The following ITGBL1 variants were observed in gnomAD, a reference collection of about 807,000 sequenced individuals.
ITGBL1 encodes integrin beta-like protein 1.
Under a neutral mutation model 68.5 loss-of-function variants are expected in ITGBL1, and 51 were observed. The ratio of observed to expected loss-of-function variants is 0.74; its 90% CI spans 0.59 to 0.94. The LOEUF is 0.94. Among genes scored for constraint, ITGBL1 ranks in the 40% least tolerant of loss-of-function variants. The probability of loss-of-function intolerance (pLI) is 0.00; values close to 1 mark genes in which losing one functional copy is unlikely to be tolerated. For synonymous variants in ITGBL1, 209 were observed against 227.3 expected, an observed-to-expected ratio of 0.92 and a Z score of 0.72; for missense variants, 649 against 647.4, an observed-to-expected ratio of 1.00 and a Z score of -0.03.
At chr13:101,463,228 A>G (rs929375170) in intron 2 of ITGBL1, among the ~76,000 whole-genome samples, 1 of 152,106 alleles carries the variant, frequency 6.6e-6, no homozygotes, top group African/African-American at 2.4e-5. Flanking sequence ...TCCATGTTAT[A>G]TCTTCCTCCA....
At chr13:101,475,495 C>T (rs2048522360) in intron 2 of ITGBL1, among the ~76,000 whole-genome samples, 1 of 150,446 alleles carries the variant, frequency 6.6e-6, no homozygotes, top group African/African-American at 2.4e-5. Flanking sequence ...AGAGAGAGAT[C>T]AGCATAGAAA....
chr13:101,701,021 T>G (rs1175292101), intron 8 of ITGBL1, among the ~76,000 whole-genome samples: 1 of 152,236 alleles, frequency 6.6e-6, no homozygotes, highest in Non-Finnish European at 1.5e-5. Flanking sequence ...ACTGTTATAT[T>G]CTAAGCTGTT....
intron 4 of ITGBL1, 114 bp downstream of exon 4, chr13:101,575,660 C>A: frequency 2.0e-6 from 2 of 1,015,358 alleles, no homozygotes; most frequent in South Asian, 3.1e-5. Flanking sequence ...GTAGTTTAAA[C>A]CTATGTTTAT....
intron 7 of ITGBL1, among the ~76,000 whole-genome samples, chr13:101,623,931 A>C (rs1325056882): frequency 6.6e-6 from 1 of 152,188 alleles, no homozygotes; most frequent in East Asian, 1.9e-4. Flanking sequence ...ATTGCTTAAA[A>C]CAGCTAAAAG....
intron 2 of ITGBL1, among the ~76,000 whole-genome samples, chr13:101,526,152 CTTCTTTT>C (rs1464486115): frequency 1.6e-5 from 1 of 60,900 alleles, no homozygotes; most frequent in African/African-American, 6.2e-5. Context: ...TCTTCTTCTT[CTTCTTTT>C]TTTTTTTTTT....
chr13:101,653,757 C>T (rs1036885866), intron 7 of ITGBL1, among the ~76,000 whole-genome samples: 5 of 151,716 alleles, frequency 3.3e-5, no homozygotes, highest in Admixed American at 6.6e-5. Context: ...GGCACAATCT[C>T]GGCTCACTGC....
chr13:101,653,912 A>G (rs974405482), intron 7 of ITGBL1, among the ~76,000 whole-genome samples: 2 of 139,510 alleles, frequency 1.4e-5, no homozygotes, highest in Non-Finnish European at 3.0e-5. Flanking sequence ...GGGTTTCACC[A>G]TGTTGGCCAG....
intron 2 of ITGBL1, among the ~76,000 whole-genome samples, chr13:101,502,546 G>A (rs1246359332): frequency 6.6e-6 from 1 of 151,970 alleles, no homozygotes; most frequent in Non-Finnish European, 1.5e-5. Flanking sequence ...TTATTCTCCT[G>A]GCCTGCAAAT....
chr13:101,621,209 G>A (rs2031568564), intron 7 of ITGBL1, among the ~76,000 whole-genome samples: 1 of 152,100 alleles, frequency 6.6e-6, no homozygotes, highest in African/African-American at 2.4e-5. Flanking sequence ...AAATAGCTTT[G>A]TACAAGTGTA....
At chr13:101,506,469 C>A (rs765696422) in intron 2 of ITGBL1, among the ~76,000 whole-genome samples, 3 of 152,124 alleles carry the variant, frequency 2.0e-5, no homozygotes, top group Non-Finnish European at 2.9e-5. Flanking sequence ...AGACCACATG[C>A]AGCAAGGTAT....
chr13:101,641,787 C>A (rs930201313), intron 7 of ITGBL1, among the ~76,000 whole-genome samples: 55 of 143,792 alleles, frequency 3.8e-4, no homozygotes, highest in African/African-American at 1.4e-3. Context: ...TGTTCAATTC[C>A]CACCTATGAG....
At chr13:101,564,478 T>C (rs2050149760) in intron 2 of ITGBL1, among the ~76,000 whole-genome samples, 1 of 151,492 alleles carries the variant, frequency 6.6e-6, no homozygotes, top group African/African-American at 2.4e-5. Flanking sequence ...TGAACTTCTA[T>C]CCAGGAGATA....
intron 2 of ITGBL1, among the ~76,000 whole-genome samples, chr13:101,479,178 T>TA (rs199723432): frequency 6.6e-6 from 1 of 151,964 alleles, no homozygotes; most frequent in East Asian, 1.9e-4. Flanking sequence ...ACCTCATTTT[T>TA]TATAAAGGTG....
At chr13:101,648,083 A>G (rs2139445651) in intron 7 of ITGBL1, among the ~76,000 whole-genome samples, 1 of 152,278 alleles carries the variant, frequency 6.6e-6, no homozygotes, top group South Asian at 2.1e-4. Flanking sequence ...GACTTGTGAG[A>G]TCTACCCCTA....
Position 101,692,687 on chromosome 13 carries a change from G to A in ITGBL1, c.1118G>A (p.Gly373Asp). Residue 373 changes from glycine to aspartate, a missense_variant, in exon 8 of 11, where the codon GGT (glycine) becomes GAT (aspartate). By Grantham distance (94) the Gly-to-Asp change is moderately conservative (BLOSUM62 -1). Transcript: ENST00000376180. The part of the protein sequence containing the change: ...CDDRRCEDLD[G>D]VVCGGHGTCS... ...GATCGCCGCTGTGAAGACCTCGATGGTGTGGTCTGTGGAGGTAGTAACCTT... is the reference window on the plus strand; with the variant it reads ...GATCGCCGCTGTGAAGACCTCGATGATGTGGTCTGTGGAGGTAGTAACCTT... 6.2e-7 allele frequency: 1 copy of A among 1,610,850 alleles called. No individual in the cohort carries two copies. Among genetic ancestry groups the A allele is most frequent in the Non-Finnish European group, 8.5e-7 (1 of 1,177,092 alleles).
At chr13:101,707,111 A>C (rs2034280682) in intron 9 of ITGBL1, among the ~76,000 whole-genome samples, 2 of 152,228 alleles carry the variant, frequency 1.3e-5, no homozygotes, top group South Asian at 4.1e-4. Flanking sequence ...TCATGCAAAA[A>C]TATCCTTGTA....
chr13:101,479,597 C>G (rs1226870783), intron 2 of ITGBL1, among the ~76,000 whole-genome samples: 5 of 149,974 alleles, frequency 3.3e-5, no homozygotes, highest in Admixed American at 2.0e-4. Context: ...ATAAGAAGCC[C>G]ACACAACTCA....
intron 6 of ITGBL1, among the ~76,000 whole-genome samples, chr13:101,584,363 G>T (rs4771404): frequency 2.0e-5 from 3 of 152,104 alleles, no homozygotes; most frequent in Non-Finnish European, 2.9e-5. Context: ...CAAAAATGGA[G>T]TTATAGATTT....
intron 2 of ITGBL1, among the ~76,000 whole-genome samples, chr13:101,551,483 C>T (rs760676145): frequency 7.9e-5 from 12 of 152,056 alleles, no homozygotes; most frequent in Non-Finnish European, 1.8e-4. Context: ...TAGACATGGC[C>T]TTGGGGGCTG....
Sources: gnomAD v4.1 joint callset for allele counts (sites outside exome capture counted in the v4.1 genomes callset) on GRCh38, gnomAD v4.1.1 for gene constraint, MANE v1.5 for transcripts, NCBI Gene and HGNC (gene_info 2026-07-23, HGNC 2026-07-21) for gene names.